Variants in MAPK8IP3 observed in about 807,000 individuals in gnomAD.
MAPK8IP3 encodes the protein C-Jun-amino-terminal kinase-interacting protein 3.
Under a neutral mutation model 157.8 loss-of-function variants are expected in MAPK8IP3, and 49 were observed. That is an observed-to-expected ratio of 0.31 (90% CI 0.25 to 0.39). The LOEUF is 0.39. MAPK8IP3 is among the 10% of genes least tolerant of loss of function. The pLI, the probability that MAPK8IP3 is intolerant of heterozygous loss-of-function variation, is 1.00. For missense variants in MAPK8IP3, 1,478 were observed against 1,889.4 expected (o/e 0.78, Z 4.04); for synonymous variants, 897 against 777.7 (o/e 1.15, Z -2.55).
At chr16:1,764,545 G>A in intron 19 of MAPK8IP3, 86 bp downstream of exon 19, 4 of 1,489,560 alleles carry the variant, frequency 2.7e-6, no homozygotes, top group Non-Finnish European at 3.6e-6. Flanking sequence ...GTGAGACACA[G>A]GACAGCTGGG....
At chr16:1,740,443 T>C (rs2040603448) in intron 4 of MAPK8IP3, among the ~76,000 whole-genome samples, 1 of 143,990 alleles carries the variant, frequency 6.9e-6, no homozygotes, top group Admixed American at 6.9e-5. Flanking sequence ...CTCTAACACC[T>C]GTCTCCTTAT....
At chr16:1,737,408 C>G (rs1275909136) in intron 4 of MAPK8IP3, among the ~76,000 whole-genome samples, 2 of 85,602 alleles carry the variant, frequency 2.3e-5, no homozygotes, top group African/African-American at 4.7e-5. Context: ...ATCTGTGTGA[C>G]CGTCCGTGTG....
intron 14 of MAPK8IP3, 43 bp from the exon 15 acceptor site, chr16:1,762,632 C>T (rs754778919): frequency 1.8e-5 from 28 of 1,541,870 alleles, no homozygotes; most frequent in African/African-American, 1.2e-4. Flanking sequence ...GTAAGGGAGG[C>T]GTGAGGGCAC....
chr16:1,739,817 TGTGAGCATCC>T (rs2040521105), intron 4 of MAPK8IP3, among the ~76,000 whole-genome samples: 2 of 120,856 alleles, frequency 1.7e-5, no homozygotes, highest in African/African-American at 3.2e-5. Context: ...CGTGTGAGCG[TGTGAGCATCC>T]GTGTGACCGT....
At chr16:1,718,756 G>A (rs1298447791) in intron 1 of MAPK8IP3, among the ~76,000 whole-genome samples, 2 of 150,862 alleles carry the variant, frequency 1.3e-5, no homozygotes, top group Non-Finnish European at 2.9e-5. Flanking sequence ...TCGCACCACT[G>A]CACACCAGCC....
chr16:1,715,475 C>T (rs1207515380), intron 1 of MAPK8IP3, among the ~76,000 whole-genome samples: 1 of 152,212 alleles, frequency 6.6e-6, no homozygotes, highest in Non-Finnish European at 1.5e-5. Flanking sequence ...TACCTGGGAA[C>T]TAGCCATGAA....
intron 16 of MAPK8IP3, 74 bp from the exon 17 acceptor site, chr16:1,763,583 C>G: frequency 7.1e-7 from 1 of 1,406,558 alleles, no homozygotes; most frequent in East Asian, 2.8e-5. Context: ...CGTGACCTCC[C>G]CCAGGACAAG....
Position 1,706,378 on chromosome 16 carries a change from G to C in MAPK8IP3, c.39G>C (p.Val13=). Residue 13 remains valine, a synonymous_variant, in exon 1 of 32, where the codon GTG becomes GTC. Transcript: ENST00000610761. The surrounding 1 kb of genome is among the most constrained non-coding windows in gnomAD (Gnocchi z 5.1). ...EIQMDEGGGV[V]VYQDDYCSGS... The stretch of plus-strand genomic sequence containing the variant: ...AGATGGACGAGGGCGGCGGCGTGGT[G>C]GTGTACCAGGACGACTACTGCTCCG... 1 of 1,610,334 alleles carries C rather than the reference G, an allele frequency of 6.2e-7. No individual in the cohort carries two copies. Among genetic ancestry groups the C allele is most frequent in the African/African-American group, 1.3e-5 (1 of 74,948 alleles).
chr16:1,709,558 G>A (rs1254905229), intron 1 of MAPK8IP3, among the ~76,000 whole-genome samples: 1 of 152,268 alleles, frequency 6.6e-6, no homozygotes, highest in Non-Finnish European at 1.5e-5. Context: ...ATTGCTAGCC[G>A]CCTACCAGAC....
intron 2 of MAPK8IP3, among the ~76,000 whole-genome samples, chr16:1,727,617 C>T (rs1270630523): frequency 6.6e-6 from 1 of 151,968 alleles, no homozygotes; most frequent in Middle Eastern, 3.2e-3. Context: ...CTAAGTCGTG[C>T]ATGTGAGGTG....
At chr16:1,738,046 C>G (rs1400956087) in intron 4 of MAPK8IP3, among the ~76,000 whole-genome samples, 23 of 56,932 alleles carry the variant, frequency 4.0e-4, no homozygotes, top group Admixed American at 7.3e-4. Flanking sequence ...GAGCGTGTGA[C>G]CGTCCGTGTG....
rs1262943013 is a variant in MAPK8IP3 at position 1,764,143 on chromosome 16, C to T, written c.2054C>T (p.Thr685Met). ...QLSPNGGQED[T>M]RMKNVPVPVY... ...AGTCCCAACGGGGGCCAGGAGGACA[C>T]GCGGATGAAGAACGTGCCGGTGCCG... Residue 685 changes from threonine (T) to methionine (M), a missense_variant, in exon 18 of 32, where the codon ACG becomes ATG. Around this residue, in one of 11 missense-constraint regions of MAPK8IP3, gnomAD observed 669 missense variants for 759.8 expected, o/e 0.88. Transcript: ENST00000610761. 6.2e-7 allele frequency: 1 copy of T among 1,611,244 alleles called. No homozygotes were observed. The highest frequency in any genetic ancestry group is 8.5e-7 in the Non-Finnish European group (1 of 1,179,366).
intron 1 of MAPK8IP3, among the ~76,000 whole-genome samples, chr16:1,708,247 G>T (rs905010641): frequency 6.6e-6 from 1 of 152,208 alleles, no homozygotes; most frequent in African/African-American, 2.4e-5. Flanking sequence ...CCCGACACCG[G>T]CCTGGGCACT....
Position 1,769,204 on chromosome 16 carries a change from G to GC in MAPK8IP3, c.*382dup, listed in dbSNP as rs2042468790. ...CTGGAGGAGGCAGGGGCTCCCCGCCGCCGAGGCTGCCTGCCCTGGGCCCAC... is the reference window on the plus strand; with the variant it reads ...CTGGAGGAGGCAGGGGCTCCCCGCCGCCCGAGGCTGCCTGCCCTGGGCCCAC... On this transcript the variant is annotated 3_prime_UTR_variant, in exon 32 of 32. Transcript: ENST00000610761. 2 of 248,784 alleles carry GC rather than the reference G, an allele frequency of 8.0e-6. No homozygotes were observed. The highest frequency in any genetic ancestry group is 4.6e-5 in the African/African-American group (2 of 43,852). 15.4% of individuals were successfully genotyped at this position (248,784 alleles called of 1,614,324 possible). A position where few individuals can be genotyped will look rare whatever the true frequency, so the allele number is the denominator to read the frequency against.
At position 1,743,511 on chromosome 16, in the gene MAPK8IP3, C is replaced by G; in HGVS notation, c.747+35C>G. 1 of 1,602,258 alleles carries G rather than the reference C, an allele frequency of 6.2e-7. No homozygotes were observed. Among genetic ancestry groups the G allele is most frequent in the Non-Finnish European group, 8.5e-7 (1 of 1,177,740 alleles). ...CCGTGCCGTGGAGTGAGAGGCTCCT[C>G]CCTGTTGCTGGTGTTCCCCGTTCAC... On this transcript the variant is annotated intron_variant, in intron 5 of 31. Coordinates refer to ENST00000610761, the MANE Select transcript of MAPK8IP3 (RefSeq NM_001318852.2). This position sits in a 1 kb window ranked among gnomAD's most constrained non-coding sequence, Gnocchi z 5.6.
chr16:1,767,285 C>T lies in MAPK8IP3; in HGVS notation c.3225C>T (p.Thr1075=), dbSNP rs754575647. The change falls in exon 26 of 32, where the codon ACC becomes ACT. Residue 1075 remains threonine, a synonymous_variant. Coordinates refer to ENST00000610761, the MANE Select transcript of MAPK8IP3 (RefSeq NM_001318852.2). The part of the protein sequence containing the change: ...KNKVHVIQPK[T]MQIEKSFDAH... ...AGGTGCACGTCATCCAGCCCAAGAC[C>T]ATGCAGATAGAGGCGAGTGCCGGCC... 3 of 1,613,098 alleles carry T rather than the reference C, an allele frequency of 1.9e-6. No homozygotes were observed. In the Admixed American group the frequency reaches 5.0e-5, roughly 27 times the overall value.
intron 19 of MAPK8IP3, 68 bp from the exon 20 acceptor site, chr16:1,764,945 A>G (rs755863178): frequency 1.7e-5 from 26 of 1,496,832 alleles, no homozygotes; most frequent in African/African-American, 5.5e-5. Flanking sequence ...TGGGAGCCCC[A>G]TGGCCCTGTG....
chr16:1,711,215 G>A (rs2037749002), intron 1 of MAPK8IP3, among the ~76,000 whole-genome samples: 1 of 152,240 alleles, frequency 6.6e-6, no homozygotes, highest in African/African-American at 2.4e-5. Context: ...CCAAGTGCAG[G>A]CGTCTTCCCA....
At chr16:1,746,903 C>G in intron 5 of MAPK8IP3, 126 bp from the exon 6 acceptor site, 3 of 1,206,320 alleles carry the variant, frequency 2.5e-6, no homozygotes, top group Non-Finnish European at 3.4e-6. Context: ...GGAGCTCTGG[C>G]CCGCAGGGTG....
Sources: allele counts gnomAD v4.1 joint callset (sites outside exome capture counted in the v4.1 genomes callset), GRCh38; gene constraint gnomAD v4.1.1; regional missense constraint gnomAD v4.1.1; non-coding constraint Gnocchi (gnomAD v3.1); transcripts MANE v1.5; gene names NCBI Gene and HGNC (gene_info 2026-07-23, HGNC 2026-07-21).